PKD2: variants seen among roughly 807,000 people sequenced by gnomAD.
The protein encoded by PKD2 is polycystin 2, transient receptor potential cation channel.
In PKD2, 48 loss-of-function variants were observed where a neutral mutation model predicts 105.9. The ratio of observed to expected loss-of-function variants is 0.45; its 90% CI spans 0.36 to 0.58. The LOEUF (loss-of-function observed/expected upper bound fraction) is 0.58. Ranked by LOEUF, PKD2 falls within the 20% of genes least tolerant of loss-of-function variation. The probability of loss-of-function intolerance (pLI) is 0.00; values close to 1 mark genes in which losing one functional copy is unlikely to be tolerated. For missense variants in PKD2, 1,078 were observed against 1,255.3 expected (o/e 0.86, Z 2.13); for synonymous variants, 464 against 481.1 (o/e 0.96, Z 0.46).
rs1578139269 is a variant in PKD2 at position 88,052,109 on chromosome 4, T to TA, written c.1668dup (p.Gln557ThrfsTer16). ...TTTGAGCATCTGGCATATTGGCAGA[T>TA]ACAGTTCAACAATATAGCTGCTGTC... On this transcript the variant is annotated frameshift_variant, in exon 7 of 15. Transcript: ENST00000237596. LOFTEE classifies it high-confidence loss of function. 1 of 1,608,634 alleles carries TA rather than the reference T, an allele frequency of 6.2e-7. No homozygotes were observed. Among genetic ancestry groups the TA allele is most frequent in the Non-Finnish European group, 8.5e-7 (1 of 1,175,170 alleles).
chr4:88,047,110 A>G (rs1727803373), intron 6 of PKD2, among the ~76,000 whole-genome samples: 1 of 152,218 alleles, frequency 6.6e-6, no homozygotes, highest in Admixed American at 6.5e-5. Flanking sequence ...AGAGTATCTC[A>G]GTAATTCATA....
chr4:88,056,931 A>T (rs139790594), intron 8 of PKD2, among the ~76,000 whole-genome samples: 1 of 152,220 alleles, frequency 6.6e-6, no homozygotes, highest in East Asian at 1.9e-4. Context: ...TTGTCAGAAT[A>T]TTGGATCTTT....
intron 13 of PKD2, among the ~76,000 whole-genome samples, chr4:88,070,840 G>A (rs906594120): frequency 6.6e-6 from 1 of 151,764 alleles, no homozygotes; most frequent in African/African-American, 2.4e-5. Context: ...TTGTTATGTT[G>A]CCCAGGTTGG....
intron 4 of PKD2, among the ~76,000 whole-genome samples, chr4:88,042,954 G>C (rs1241371598): frequency 1.3e-5 from 2 of 152,184 alleles, no homozygotes; most frequent in African/African-American, 4.8e-5. Context: ...GCAGAGCAGA[G>C]GCTCTAGGGA....
intron 2 of PKD2, among the ~76,000 whole-genome samples, chr4:88,033,156 G>A (rs1727219011): frequency 2.0e-5 from 3 of 152,120 alleles, no homozygotes; most frequent in Admixed American, 1.3e-4. Context: ...GCTGGGCGCG[G>A]TGGCTCACGA....
rs745306325 is a variant in PKD2 at position 88,036,231 on chromosome 4, A to G, written c.721A>G (p.Met241Val). 3.7e-6 allele frequency: 6 copies of G among 1,613,890 alleles called. No individual in the cohort carries two copies. The East Asian group carries it at 6.7e-5, about 18-fold the overall frequency. ...TTTCTGTGTTCCAGTGACCTACGGC[A>G]TGATGAGCTCCAATGTGTACTACTA... ...LIVLCILTYG[M>V]MSSNVYYYTR... is the part of the protein sequence containing the mutation. The change falls in exon 3 of 15, where the codon ATG becomes GTG. Residue 241 changes from methionine to valine, a missense_variant. Physicochemically the swap from Met to Val is conservative, Grantham distance 21. Coordinates refer to ENST00000237596, the MANE Select transcript of PKD2 (RefSeq NM_000297.4).
chr4:88,009,848 A>G (rs1432105277), intron 1 of PKD2, among the ~76,000 whole-genome samples: 1 of 152,224 alleles, frequency 6.6e-6, no homozygotes, highest in Non-Finnish European at 1.5e-5. Context: ...GTTAATAAAT[A>G]ATGGTAAGTT....
chr4:88,045,543 G>A (rs955278885), intron 5 of PKD2, among the ~76,000 whole-genome samples: 1 of 152,148 alleles, frequency 6.6e-6, no homozygotes, highest in Non-Finnish European at 1.5e-5. Context: ...GCTGACTAAA[G>A]GGCTTTTAAA....
intron 13 of PKD2, among the ~76,000 whole-genome samples, chr4:88,072,864 C>T (rs558660922): frequency 5.3e-4 from 80 of 150,534 alleles, no homozygotes; most frequent in African/African-American, 1.9e-3. Context: ...TGGTGAGACC[C>T]TCATCTCTAC....
intron 4 of PKD2, among the ~76,000 whole-genome samples, chr4:88,041,604 A>C (rs1437484490): frequency 6.6e-6 from 1 of 152,176 alleles, no homozygotes; most frequent in African/African-American, 2.4e-5. Context: ...TGTCTATCAG[A>C]GAGATTAATT....
At chr4:88,072,250 C>T (rs367685855) in intron 13 of PKD2, among the ~76,000 whole-genome samples, 105 of 152,088 alleles carry the variant, frequency 6.9e-4, no homozygotes, top group African/African-American at 2.2e-3. Context: ...CACAAAAGGC[C>T]GGGATTACAG....
chr4:88,040,953 C>A (rs1444785931), intron 4 of PKD2, among the ~76,000 whole-genome samples: 1 of 152,136 alleles, frequency 6.6e-6, no homozygotes, highest in Non-Finnish European at 1.5e-5. Flanking sequence ...AGAAGTCCCC[C>A]CTCTTCTAGT....
chr4:88,033,086 C>G (rs1433370997), intron 2 of PKD2, among the ~76,000 whole-genome samples: 2 of 152,116 alleles, frequency 1.3e-5, no homozygotes, highest in African/African-American at 2.4e-5. Flanking sequence ...ATGGACTTTC[C>G]TGGGACCTGG....
chr4:88,060,337 C>T (rs1169980307), intron 9 of PKD2, among the ~76,000 whole-genome samples: 2 of 151,990 alleles, frequency 1.3e-5, no homozygotes, highest in Non-Finnish European at 2.9e-5. Context: ...GAATTGTAAA[C>T]AATATTCTTC....
intron 2 of PKD2, among the ~76,000 whole-genome samples, chr4:88,029,195 A>G (rs1164262183): frequency 1.3e-5 from 2 of 152,062 alleles, no homozygotes; most frequent in Admixed American, 1.3e-4. Flanking sequence ...TTTGTCTTTG[A>G]TAACTCCCTC....
chr4:88,008,395 G>A, intron 1 of PKD2, 67 bp downstream of exon 1: 18 of 1,458,764 alleles, frequency 1.2e-5, no homozygotes, highest in Non-Finnish European at 1.6e-5. Context: ...CGGGGCCATC[G>A]CCCGCTGCGG....
chr4:88,064,501 C>T (rs538305492), intron 10 of PKD2, among the ~76,000 whole-genome samples: 22 of 152,128 alleles, frequency 1.4e-4, no homozygotes, highest in African/African-American at 5.3e-4. Context: ...GTAATTCTTC[C>T]CACTGATTAT....
At chr4:88,068,403 G>A (rs1195515952) in intron 13 of PKD2, among the ~76,000 whole-genome samples, 4 of 151,888 alleles carry the variant, frequency 2.6e-5, no homozygotes, top group Non-Finnish European at 4.4e-5. Context: ...CCGGGAGGCG[G>A]AGGTTACAGA....
chr4:88,011,893 T>TGGGGGGGGGG (rs142922515), intron 1 of PKD2, among the ~76,000 whole-genome samples: 1 of 113,072 alleles, frequency 8.8e-6, no homozygotes, highest in African/African-American at 3.5e-5. Flanking sequence ...AGGTTTTCAA[T>TGGGGGGGGGG]GGGGGGGGGG....
Sources: allele counts gnomAD v4.1 joint callset (sites outside exome capture counted in the v4.1 genomes callset), GRCh38; gene constraint gnomAD v4.1.1; transcripts MANE v1.5; gene names NCBI Gene and HGNC (gene_info 2026-07-23, HGNC 2026-07-21).